The following EP300 variants were observed in gnomAD, a reference collection of about 807,000 sequenced individuals.
The protein encoded by EP300 is EP300 lysine acetyltransferase.
EP300 carries 31 observed loss-of-function variants against 264.0 expected under a neutral mutation model. That is an observed-to-expected ratio of 0.12 (90% confidence interval 0.09 to 0.16). The LOEUF (loss-of-function observed/expected upper bound fraction) is 0.16, where lower values mean the gene tolerates loss of function less well. Among genes scored for constraint, EP300 ranks in the 10% least tolerant of loss-of-function variants. The pLI is 1.00. For synonymous variants in EP300, 1,340 were observed against 1,045.4 expected (o/e 1.28, Z -5.44); for missense variants, 2,766 against 3,052.9 (o/e 0.91, Z 2.21).
chr22:41,158,372 T>C, intron 18 of EP300, 40 bp from the exon 19 acceptor site: 3 of 1,562,394 alleles, frequency 1.9e-6, no homozygotes, highest in Non-Finnish European at 2.6e-6. Context: ...AGCTTGTCCT[T>C]AAGGCCTCTG....
In EP300 at chr22:41,177,846, T is replaced by G; in HGVS notation, c.6135T>G (p.Thr2045=). The G allele has an allele frequency of 6.2e-7, 1 of 1,614,126 alleles. No individual in the cohort carries two copies. The highest frequency in any genetic ancestry group is 8.5e-7 in the Non-Finnish European group (1 of 1,180,016). Residue 2045 remains threonine, a synonymous_variant, in exon 31 of 31, where the codon ACT becomes ACG. Transcript: ENST00000263253. ...QVGISPLKPG[T]VSQQALQNLL... is the part of the protein sequence containing the mutation. ...GTATCAGCCCACTCAAACCAGGCAC[T>G]GTGTCTCAACAAGCCTTACAAAACC...
intron 6 of EP300, 41 bp downstream of exon 6, chr22:41,131,674 C>A: frequency 6.2e-7 from 1 of 1,613,292 alleles, no homozygotes; most frequent in South Asian, 1.1e-5. Context: ...TTGGTTGTGT[C>A]AGTAAATGAC....
At chr22:41,102,543 TA>T (rs1569082756) in intron 1 of EP300, among the ~76,000 whole-genome samples, 1 of 152,190 alleles carries the variant, frequency 6.6e-6, no homozygotes, top group Admixed American at 6.6e-5. Flanking sequence ...GGAGGGCTTA[TA>T]ATACAGGAAT....
intron 20 of EP300, among the ~76,000 whole-genome samples, 183 bp downstream of exon 20, chr22:41,160,905 A>G (rs146677967): frequency 3.9e-5 from 6 of 152,320 alleles, no homozygotes; most frequent in African/African-American, 9.6e-5. Context: ...TCACATTTCA[A>G]CTGTTCAGTA....
chr22:41,178,258 T>A lies in EP300; in HGVS notation c.6547T>A (p.Leu2183Met). The A allele has an allele frequency of 6.2e-7, 1 of 1,613,720 alleles. No homozygotes were observed. Among genetic ancestry groups the A allele is most frequent in the Non-Finnish European group, 8.5e-7 (1 of 1,179,916 alleles). ...CATGCCTTCACAATTCCGAGACATC[T>A]TGAGACGACAGCAAATGATGCAACA... ...NTMPSQFRDI[L>M]RRQQMMQQQQ... Residue 2183 changes from leucine (L) to methionine (M), a missense_variant, in exon 31 of 31, where the codon TTG (leucine) becomes ATG (methionine). Coordinates refer to ENST00000263253, the MANE Select transcript of EP300 (RefSeq NM_001429.4).
At chr22:41,125,741 C>A in intron 2 of EP300, 123 bp from the exon 3 acceptor site, 2 of 1,081,298 alleles carry the variant, frequency 1.8e-6, no homozygotes, top group Non-Finnish European at 2.7e-6. Flanking sequence ...AGTGTCTTTT[C>A]TAATAGAAGC....
At chr22:41,142,324 A>G in intron 10 of EP300, among the ~76,000 whole-genome samples, 1 of 152,200 alleles carries the variant, frequency 6.6e-6, no homozygotes, top group Non-Finnish European at 1.5e-5. Flanking sequence ...CATTCATTGA[A>G]GTAGTAAAGT....
At chr22:41,120,440 A>T (rs1021905376) in intron 2 of EP300, among the ~76,000 whole-genome samples, 5 of 152,204 alleles carry the variant, frequency 3.3e-5, no homozygotes, top group Admixed American at 6.5e-5. Context: ...TTAAACTCCT[A>T]AGACTTGTGA....
rs1397417369 is a variant in EP300 at position 41,177,405 on chromosome 22, G to A, written c.5694G>A (p.Gln1898=). 1.2e-6 allele frequency: 2 copies of A among 1,614,112 alleles called. No homozygotes were observed. Among genetic ancestry groups the A allele is most frequent in the Admixed American group, 3.3e-5 (2 of 60,012 alleles). ...PRTQAAGPVS[Q]GKAAGQVTPP... is the part of the protein sequence containing the mutation. ...CTCAAGCTGCTGGCCCTGTGTCCCA[G>A]GGTAAGGCAGCAGGCCAGGTGACCC... The change falls in exon 31 of 31, where the codon CAG becomes CAA. Residue 1898 remains glutamine (Q), a synonymous_variant. Transcript: ENST00000263253.
chr22:41,141,804 GT>G (rs2058984164), intron 10 of EP300, among the ~76,000 whole-genome samples: 1 of 151,892 alleles, frequency 6.6e-6, no homozygotes, highest in Non-Finnish European at 1.5e-5. Flanking sequence ...AGCCTTCCGA[GT>G]AGCTGGGATT....
intron 1 of EP300, among the ~76,000 whole-genome samples, chr22:41,104,619 C>T (rs924290417): frequency 1.8e-4 from 27 of 152,056 alleles, no homozygotes; most frequent in African/African-American, 6.5e-4. Context: ...AGAAGTGTCA[C>T]TATATTAATA....
At position 41,172,656 on chromosome 22, in the gene EP300, G is replaced by A. The variant is rs2145770540; in HGVS notation, c.4610G>A (p.Ser1537Asn). ...CGAGAGGAAAACACCAGCAATGAAAGCACAGATGTAAGGGCATTGAGTTTC... is the reference window on the plus strand; with the variant it reads ...CGAGAGGAAAACACCAGCAATGAAAACACAGATGTAAGGGCATTGAGTTTC... ...RKREENTSNESTDVTKGDSKN... is the reference protein window; with the variant it reads ...RKREENTSNENTDVTKGDSKN... The change falls in exon 28 of 31, where the codon AGC becomes AAC. Residue 1537 changes from serine to asparagine, a missense_variant. Ser to Asn is a conservative substitution (Grantham distance 46). Coordinates refer to ENST00000263253, the MANE Select transcript of EP300 (RefSeq NM_001429.4). 1.9e-6 allele frequency: 3 copies of A among 1,612,770 alleles called. No homozygotes were observed. Among genetic ancestry groups the A allele is most frequent in the Non-Finnish European group, 2.5e-6 (3 of 1,179,162 alleles).
chr22:41,146,520 A>G (rs1158637934), intron 10 of EP300: 1 of 566,772 alleles, frequency 1.8e-6, no homozygotes, highest in Non-Finnish European at 3.1e-6. Context: ...ACCCGGGCTC[A>G]TAAAGGAATA....
At chr22:41,108,169 T>C (rs1347819069) in intron 1 of EP300, 1 of 152,170 alleles carries the variant, frequency 6.6e-6, no homozygotes, top group Non-Finnish European at 1.5e-5. Context: ...TCAGTTGTTG[T>C]TTAAATTGTT....
intron 1 of EP300, among the ~76,000 whole-genome samples, chr22:41,104,221 T>TAA (rs2058746015): frequency 6.6e-6 from 1 of 152,168 alleles, no homozygotes; most frequent in South Asian, 2.1e-4. Context: ...AGGCTTACTA[T>TAA]AAAACATGTC....
At chr22:41,148,349 T>C (rs1027915663) in intron 12 of EP300, among the ~76,000 whole-genome samples, 85 of 152,224 alleles carry the variant, frequency 5.6e-4, no homozygotes, top group African/African-American at 2.0e-3. Context: ...ACCCTCCTGC[T>C]GCCCTTTAGA....
chr22:41,138,348 G>C (rs1479339876), intron 8 of EP300, among the ~76,000 whole-genome samples: 1 of 152,120 alleles, frequency 6.6e-6, no homozygotes, highest in Non-Finnish European at 1.5e-5. Context: ...ATTTTTAGTA[G>C]AGACGGGGTT....
chr22:41,175,490 T>G (rs1727512836), intron 29 of EP300, among the ~76,000 whole-genome samples: 4 of 152,246 alleles, frequency 2.6e-5, no homozygotes, highest in African/African-American at 9.6e-5. Context: ...TGTTACAAGT[T>G]TTTTCAAACT....
intron 3 of EP300, chr22:41,126,281 A>G (rs1475835204): frequency 1.3e-5 from 6 of 478,286 alleles, no homozygotes; most frequent in Admixed American, 3.5e-5. Context: ...GTGAACTGCT[A>G]CAATGAAGTT....
Sources: gnomAD v4.1 joint callset for allele counts (sites outside exome capture counted in the v4.1 genomes callset) on GRCh38, gnomAD v4.1.1 for gene constraint, MANE v1.5 for transcripts, NCBI Gene and HGNC (gene_info 2026-07-23, HGNC 2026-07-21) for gene names.